The following EFTUD2 variants were observed in gnomAD, a reference collection of about 807,000 sequenced individuals.
The protein encoded by EFTUD2 is elongation factor Tu GTP binding domain containing 2.
A neutral mutation model predicts 114.3 loss-of-function variants in EFTUD2; 9 were observed. The ratio of observed to expected loss-of-function variants is 0.08; its 90% CI spans 0.05 to 0.14. The LOEUF (loss-of-function observed/expected upper bound fraction) is 0.14. EFTUD2 is among the 10% of genes least tolerant of loss of function. The pLI is 1.00. For synonymous variants in EFTUD2, 449 were observed against 462.3 expected (o/e 0.97, Z 0.37); for missense variants, 765 against 1,241.2 (o/e 0.62, Z 5.76).
chr17:44,892,631 CTTTTTTTTTTTTTT>C (rs967860195), intron 2 of EFTUD2, among the ~76,000 whole-genome samples: 3 of 101,376 alleles, frequency 3.0e-5, no homozygotes, highest in Non-Finnish European at 5.6e-5. Context: ...ACTGTAAAAC[CTTTTTTTTTTTTTT>C]TTTTTTTTTT....
chr17:44,897,163 C>T (rs989923883), intron 1 of EFTUD2, among the ~76,000 whole-genome samples: 2 of 134,814 alleles, frequency 1.5e-5, no homozygotes, highest in African/African-American at 5.6e-5. Flanking sequence ...TTGCAGTGAG[C>T]GGAGACAGCG....
chr17:44,877,089 G>A (rs992147686), intron 9 of EFTUD2, among the ~76,000 whole-genome samples: 1 of 152,068 alleles, frequency 6.6e-6, no homozygotes, highest in Non-Finnish European at 1.5e-5. Flanking sequence ...CCAGCTATTT[G>A]GGAGGCTGAA....
chr17:44,883,989 G>C (rs2051119846), intron 4 of EFTUD2: 3 of 433,054 alleles, frequency 6.9e-6, no homozygotes, highest in Non-Finnish European at 1.3e-5. Context: ...AGAAGAGGCT[G>C]GGCATGGTGG....
At chr17:44,894,267 G>T (rs369183799) in intron 2 of EFTUD2, 150 bp downstream of exon 2, 1 of 631,186 alleles carries the variant, frequency 1.6e-6, no homozygotes, top group Non-Finnish European at 2.8e-6. Flanking sequence ...CTACTTGGGA[G>T]GCCAAGGTGG....
At chr17:44,880,133 G>C (rs887899929) in intron 8 of EFTUD2, among the ~76,000 whole-genome samples, 4 of 152,176 alleles carry the variant, frequency 2.6e-5, no homozygotes, top group Non-Finnish European at 4.4e-5. Context: ...CTCTGCCCCA[G>C]TTGGTCCTTT....
chr17:44,876,073 T>C lies in EFTUD2; in HGVS notation c.730A>G (p.Lys244Glu). ...GCCAGCCTCTCCTGCACCGCATGCT[T>C]GATCAGCCGCTCTGTGTTCAGCATC... ...GVMLNTERLI[K>E]HAVQERLAVT... The change falls in exon 10 of 28, where the codon AAG (lysine) becomes GAG (glutamate). Residue 244 changes from lysine to glutamate, a missense_variant. Transcript: ENST00000426333. The C allele has an allele frequency of 6.2e-7, 1 of 1,613,796 alleles. No homozygotes were observed. The highest frequency in any genetic ancestry group is 8.5e-7 in the Non-Finnish European group (1 of 1,179,848).
Position 44,854,526 on chromosome 17 carries a change from G to A in EFTUD2, c.2259+30C>T, listed in dbSNP as rs773423881. 33 of 1,601,900 alleles carry A rather than the reference G, an allele frequency of 2.1e-5. No individual in the cohort carries two copies. The highest frequency in any genetic ancestry group is 1.7e-4 in the Admixed American group (10 of 58,222). ...TCTTCCACTCCAGAGGTAAGAGACC[G>A]CCACCCAGTTCCCATCAGTTCTGCT... On this transcript the variant is annotated intron_variant, in intron 22 of 27. Transcript: ENST00000426333. The surrounding 1 kb of genome is among the most constrained non-coding windows in gnomAD (Gnocchi z 4.3).
intron 5 of EFTUD2, 56 bp downstream of exon 5, chr17:44,883,593 C>G: frequency 6.5e-7 from 1 of 1,536,776 alleles, no homozygotes; most frequent in Non-Finnish European, 9.0e-7. Flanking sequence ...AGGGCTAAAA[C>G]ATGAGCAGGT....
intron 13 of EFTUD2, among the ~76,000 whole-genome samples, 197 bp downstream of exon 13, chr17:44,867,610 T>C (rs1177475009): frequency 1.3e-5 from 2 of 152,066 alleles, no homozygotes; most frequent in African/African-American, 4.8e-5. Flanking sequence ...CCCTTTCCTT[T>C]GATTTTAATA....
chr17:44,867,321 AC>A (rs1163442170), intron 13 of EFTUD2, among the ~76,000 whole-genome samples: 2 of 100,726 alleles, frequency 2.0e-5, no homozygotes, highest in Middle Eastern at 0.012. Context: ...TTTTTTGGTG[AC>A]AGAGTCTCGC....
chr17:44,862,782 T>G lies in EFTUD2; in HGVS notation c.1538A>C (p.Asn513Thr). The change falls in exon 16 of 28, where the codon AAC (asparagine) becomes ACC (threonine). Residue 513 changes from asparagine to threonine, a missense_variant. Around this residue, in one of 6 missense-constraint regions of EFTUD2, gnomAD observed 149 missense variants for 245.1 expected, o/e 0.61. Transcript: ENST00000426333. ...GTCTTCCTCATCCTCCAGGGTGTAGTTCTCCCCCAGTACCTTCACAGGCTG... is the reference window on the plus strand; with the variant it reads ...GTCTTCCTCATCCTCCAGGGTGTAGGTCTCCCCCAGTACCTTCACAGGCTG... ...AGQPVKVLGE[N>T]YTLEDEEDSQ... 6.2e-7 allele frequency: 1 copy of G among 1,613,604 alleles called. No individual in the cohort carries two copies.
Position 44,863,679 on chromosome 17 carries a change from C to A in EFTUD2, c.1389G>T (p.Glu463Asp). ...CATCAGGGTCACAGTCACTCATAGC[C>A]TCGCCGAGGTCGGAGTCCACACCAC... Reference protein sequence around the residue: ...YTGGVDSDLGEAMSDCDPDGP... With the variant: ...YTGGVDSDLGDAMSDCDPDGP... The change falls in exon 15 of 28, where the codon GAG (glutamate) becomes GAT (aspartate). Residue 463 changes from glutamate (E) to aspartate (D), a missense_variant. Transcript: ENST00000426333. 1 of 1,614,098 alleles carries A rather than the reference C, an allele frequency of 6.2e-7. No homozygotes were observed. The highest frequency in any genetic ancestry group is 1.1e-5 in the South Asian group (1 of 91,072).
At position 44,853,304 on chromosome 17, in the gene EFTUD2, G is replaced by A; in HGVS notation, c.2553C>T (p.Ala851=). ...CGCCTGGGGCCGCTCACCTGCGCCT[G>A]GCCAGGACGGTATAAACTGCAGAGA... is the stretch of plus-strand genomic sequence containing the variant. ...DCVSAVYTVL[A]RRRGHVTQDA... is the part of the protein sequence containing the mutation. The change falls in exon 25 of 28, where the codon GCC becomes GCT. Residue 851 remains alanine, a synonymous_variant. Coordinates refer to ENST00000426333, the MANE Select transcript of EFTUD2 (RefSeq NM_004247.4). The A allele has an allele frequency of 6.2e-7, 1 of 1,613,922 alleles. No individual in the cohort carries two copies. Among genetic ancestry groups the A allele is most frequent in the Non-Finnish European group, 8.5e-7 (1 of 1,179,888 alleles).
chr17:44,885,460 G>T, intron 3 of EFTUD2, 126 bp from the exon 4 acceptor site: 2 of 703,156 alleles, frequency 2.8e-6, no homozygotes, highest in Non-Finnish European at 5.0e-6. Flanking sequence ...TACTCTCAAG[G>T]ATCACTCATA....
intron 6 of EFTUD2, 57 bp downstream of exon 6, chr17:44,883,036 A>AC: frequency 6.5e-7 from 1 of 1,544,648 alleles, no homozygotes; most frequent in South Asian, 1.1e-5. Flanking sequence ...GAGGAGAGAG[A>AC]CATCTCTATC....
intron 11 of EFTUD2, among the ~76,000 whole-genome samples, chr17:44,869,992 T>C (rs1294479739): frequency 6.6e-6 from 1 of 152,240 alleles, no homozygotes; most frequent in Non-Finnish European, 1.5e-5. Flanking sequence ...AAGGTGTAAA[T>C]GGATTCTAGT....
chr17:44,892,384 A>T (rs1312641789), intron 2 of EFTUD2: 1 of 152,196 alleles, frequency 6.6e-6, no homozygotes, highest in Non-Finnish European at 1.5e-5. Flanking sequence ...GACATGTCAC[A>T]AGAGCTCTGC....
At chr17:44,871,231 C>T (rs2050848608) in intron 11 of EFTUD2, among the ~76,000 whole-genome samples, 1 of 152,018 alleles carries the variant, frequency 6.6e-6, no homozygotes, top group African/African-American at 2.4e-5. Context: ...CGCCATGTTG[C>T]CCAGGCTGGT....
Position 44,876,193 on chromosome 17 carries a change from AGCCTGGG to A in EFTUD2, c.703-100_703-94del. On this transcript the variant is annotated intron_variant, in intron 9 of 27. Transcript: ENST00000426333. Reference sequence around the variant, plus strand: ...AAGAAGGCACTATTTCAAACCATGAAGCCTGGGGAGAAAAAAAGACCTCGGGAAATAT... The same window carrying A: ...AAGAAGGCACTATTTCAAACCATGAAGAGAAAAAAAGACCTCGGGAAATAT... The A allele has an allele frequency of 3.5e-6, 5 of 1,425,784 alleles. No individual in the cohort carries two copies. The Admixed American group carries it at 6.8e-5, about 19-fold the overall frequency. 88.3% of individuals were successfully genotyped at this position (1,425,784 alleles called of 1,614,324 possible).
Sources: gnomAD v4.1 joint callset for allele counts (sites outside exome capture counted in the v4.1 genomes callset) on GRCh38, gnomAD v4.1.1 for gene constraint, gnomAD v4.1.1 regional missense constraint, Gnocchi (gnomAD v3.1) non-coding constraint, MANE v1.5 for transcripts, NCBI Gene and HGNC (gene_info 2026-07-23, HGNC 2026-07-21) for gene names.